RNF145: variants seen among roughly 807,000 people sequenced by gnomAD.
The protein encoded by RNF145 is ring finger protein 145.
In RNF145, 12 loss-of-function variants were observed where a neutral mutation model predicts 57.3. The observed-to-expected ratio is 0.21, with a 90% CI of 0.13 to 0.34. The LOEUF (loss-of-function observed/expected upper bound fraction) is 0.34. Ranked by LOEUF, RNF145 falls within the 10% of genes least tolerant of loss-of-function variation. The pLI, the probability that RNF145 is intolerant of heterozygous loss-of-function variation, is 1.00. For synonymous variants in RNF145, 262 were observed against 288.3 expected (o/e 0.91, Z 0.92); for missense variants, 429 against 799.0 (o/e 0.54, Z 5.58).
intron 3 of RNF145, among the ~76,000 whole-genome samples, chr5:159,191,593 C>A (rs1785291414): frequency 6.6e-6 from 1 of 152,094 alleles, no homozygotes; most frequent in Non-Finnish European, 1.5e-5. Flanking sequence ...GAGTTCAAGA[C>A]CAGCCTGGCC....
chr5:159,167,119 T>C (rs965960199), intron 8 of RNF145, among the ~76,000 whole-genome samples: 30 of 152,358 alleles, frequency 2.0e-4, no homozygotes, highest in African/African-American at 7.0e-4. Flanking sequence ...GAGTCAGTTG[T>C]GGTAAGTGGA....
intron 5 of RNF145, among the ~76,000 whole-genome samples, chr5:159,175,092 TG>T (rs2113132292): frequency 6.6e-6 from 1 of 152,272 alleles, no homozygotes; most frequent in African/African-American, 2.4e-5. Flanking sequence ...TAAAATAAAT[TG>T]ACTTGCAGAT....
intron 6 of RNF145, among the ~76,000 whole-genome samples, chr5:159,171,091 T>C (rs139079079): frequency 2.6e-4 from 40 of 152,282 alleles, no homozygotes; most frequent in African/African-American, 8.4e-4. Flanking sequence ...ATGTACACTA[T>C]GATGAGAAAA....
chr5:159,158,779 T>A lies in RNF145; in HGVS notation c.1883A>T (p.Asp628Val), dbSNP rs1449235846. 1 of 1,613,866 alleles carries A rather than the reference T, an allele frequency of 6.2e-7. No homozygotes were observed. The highest frequency in any genetic ancestry group is 8.5e-7 in the Non-Finnish European group (1 of 1,179,876). Reference protein sequence around the residue: ...PGTRIQEGSRDNNEYIARRPD... With the variant: ...PGTRIQEGSRVNNEYIARRPD... ...TCGTCTGGCAATGTACTCATTATTGTCCCTGGAACCTTCCTGTATCCTGGT... is the reference window on the plus strand; with the variant it reads ...TCGTCTGGCAATGTACTCATTATTGACCCTGGAACCTTCCTGTATCCTGGT... The change falls in exon 11 of 11, where the codon GAC becomes GTC. Residue 628 changes from aspartate (D) to valine (V), a missense_variant. Asp to Val is a radical substitution (Grantham distance 152). Around this residue, in one of 4 missense-constraint regions of RNF145, gnomAD observed 102 missense variants for 106.2 expected, o/e 0.96. Coordinates refer to ENST00000424310, the MANE Select transcript of RNF145 (RefSeq NM_001199383.2).
At chr5:159,175,176 T>G (rs1784678295) in intron 5 of RNF145, among the ~76,000 whole-genome samples, 1 of 152,194 alleles carries the variant, frequency 6.6e-6, no homozygotes, top group African/African-American at 2.4e-5. Flanking sequence ...AACTTCTATT[T>G]TCCCCAGTGA....
intron 3 of RNF145, among the ~76,000 whole-genome samples, chr5:159,184,501 T>A (rs1331554193): frequency 6.6e-6 from 1 of 152,226 alleles, no homozygotes; most frequent in Non-Finnish European, 1.5e-5. Flanking sequence ...CCTATAATTA[T>A]TTAATTATGA....
intron 1 of RNF145, among the ~76,000 whole-genome samples, chr5:159,208,491 C>T (rs768782961): frequency 9.9e-5 from 15 of 152,102 alleles, no homozygotes; most frequent in Non-Finnish European, 1.6e-4. Flanking sequence ...GATGGCAAGA[C>T]AGAGGAAACC....
intron 6 of RNF145, among the ~76,000 whole-genome samples, chr5:159,170,594 A>G (rs770592269): frequency 2.7e-4 from 41 of 152,138 alleles, no homozygotes; most frequent in South Asian, 1.0e-3. Context: ...TATCTATCTT[A>G]TATATACGTA....
At chr5:159,195,712 T>A (rs1364738059) in intron 2 of RNF145, among the ~76,000 whole-genome samples, 1 of 152,212 alleles carries the variant, frequency 6.6e-6, no homozygotes, top group African/African-American at 2.4e-5. Flanking sequence ...TTTTTCTCTA[T>A]ATATAAAGTA....
intron 5 of RNF145, among the ~76,000 whole-genome samples, chr5:159,175,303 T>TA (rs1400160051): frequency 6.6e-6 from 1 of 152,010 alleles, no homozygotes; most frequent in East Asian, 1.9e-4. Context: ...AACAGACCAC[T>TA]AAAAAAACCT....
At chr5:159,204,010 G>C (rs1161641698) in intron 1 of RNF145, among the ~76,000 whole-genome samples, 2 of 152,166 alleles carry the variant, frequency 1.3e-5, no homozygotes, top group African/African-American at 4.8e-5. Context: ...ATAAAACTAT[G>C]ATTTATGTAG....
chr5:159,173,987 T>C lies in RNF145; in HGVS notation c.793A>G (p.Thr265Ala). Residue 265 changes from threonine to alanine, a missense_variant, in exon 6 of 11, where the codon ACA (threonine) becomes GCA (alanine). By Grantham distance (58) the Thr-to-Ala change is moderately conservative. Around this residue, in one of 4 missense-constraint regions of RNF145, gnomAD observed 216 missense variants for 457.6 expected, o/e 0.47. Coordinates refer to ENST00000424310, the MANE Select transcript of RNF145 (RefSeq NM_001199383.2). ...TCATAGGCTCTTATTAATTACCTTG[T>C]CAGAAAAAGGAAAAGAAGCCTCTCA... ...SRERLLFLFL[T>A]SIAECCSTPY... 6.2e-7 allele frequency: 1 copy of C among 1,601,414 alleles called. No individual in the cohort carries two copies.
rs751614122 is a variant in RNF145, at chr5:159,169,837, GA to G, written c.798-19del. The G allele has an allele frequency of 2.5e-6, 4 of 1,581,966 alleles. No individual in the cohort carries two copies. In the South Asian group the frequency reaches 4.6e-5, roughly 18 times the overall value. Reference sequence around the variant, plus strand: ...CCGCAATACTGGAAAAAAAGAGGGGGAAATTAACAGACATAAACTTTCCATT... The same window carrying G: ...CCGCAATACTGGAAAAAAAGAGGGGGAATTAACAGACATAAACTTTCCATT... On this transcript the variant is annotated intron_variant, in intron 6 of 10. Transcript: ENST00000424310.
intron 2 of RNF145, among the ~76,000 whole-genome samples, chr5:159,195,525 C>A (rs897619775): frequency 1.2e-4 from 18 of 152,158 alleles, no homozygotes; most frequent in Non-Finnish European, 2.1e-4. Context: ...CAACGACTGC[C>A]TACTTATCAC....
At chr5:159,207,504 T>TA (rs370543519) in intron 1 of RNF145, 5,145 of 1,226,924 alleles carry the variant, frequency 4.2e-3, no homozygotes, top group Non-Finnish European at 4.7e-3. Flanking sequence ...CCCAACCAGT[T>TA]AAAAAAAAAA....
intron 9 of RNF145, 106 bp from the exon 10 acceptor site, chr5:159,161,728 T>C (rs1784224324): frequency 2.9e-6 from 2 of 694,768 alleles, no homozygotes; most frequent in South Asian, 1.9e-5. Flanking sequence ...GGGTGCAATA[T>C]TTCAAATATA....
intron 10 of RNF145, 56 bp from the exon 11 acceptor site, chr5:159,159,091 T>C: frequency 2.0e-6 from 3 of 1,503,710 alleles, no homozygotes; most frequent in Non-Finnish European, 2.7e-6. Flanking sequence ...GTATCTTTGG[T>C]GCTATCCCCA....
Position 159,169,691 on chromosome 5 carries a change from G to A in RNF145, c.926C>T (p.Pro309Leu), listed in dbSNP as rs1440975617. The A allele has an allele frequency of 6.2e-7, 1 of 1,605,168 alleles. No homozygotes were observed. Residue 309 changes from proline to leucine, a missense_variant, in exon 7 of 11, where the codon CCT (proline) becomes CTT (leucine). By Grantham distance (98) the Pro-to-Leu change is moderately conservative. Transcript: ENST00000424310. Reference sequence around the variant, plus strand: ...GGAAAGAACTTACCGATTCATGGCAGGATCATTCATGAAAGCTCGATAACC... The same window carrying A: ...GGAAAGAACTTACCGATTCATGGCAAGATCATTCATGAAAGCTCGATAACC... ...LQGYRAFMND[P>L]AMNRGMTEGV...
intron 4 of RNF145, among the ~76,000 whole-genome samples, chr5:159,177,256 A>G (rs1784748413): frequency 6.6e-6 from 1 of 152,118 alleles, no homozygotes; most frequent in African/African-American, 2.4e-5. Flanking sequence ...TATAGGTGAA[A>G]GCATAAAATC....
Sources: allele counts gnomAD v4.1 joint callset (sites outside exome capture counted in the v4.1 genomes callset), GRCh38; gene constraint gnomAD v4.1.1; regional missense constraint gnomAD v4.1.1; transcripts MANE v1.5; gene names NCBI Gene and HGNC (gene_info 2026-07-23, HGNC 2026-07-21).